Variants in CACNA2D3 observed in about 807,000 individuals in gnomAD.
CACNA2D3 encodes the protein calcium voltage-gated channel auxiliary subunit alpha2delta 3.
In CACNA2D3, 60 loss-of-function variants were observed where a neutral mutation model predicts 160.6. That is an observed-to-expected ratio of 0.37 (90% CI 0.30 to 0.46). CACNA2D3 has a LOEUF of 0.46. Ranked by LOEUF, CACNA2D3 falls within the 20% of genes least tolerant of loss-of-function variation. The pLI is 1.00. For missense variants in CACNA2D3, 1,205 were observed against 1,365.0 expected, an observed-to-expected ratio of 0.88 and a Z score of 1.85; for synonymous variants, 558 against 492.9, an observed-to-expected ratio of 1.13 and a Z score of -1.75.
chr3:54,556,664 C>G (rs1464975738), intron 5 of CACNA2D3, among the ~76,000 whole-genome samples: 1 of 152,064 alleles, frequency 6.6e-6, no homozygotes, highest in Non-Finnish European at 1.5e-5. Flanking sequence ...GCCTAAAGAA[C>G]CGCAAGTAAA....
intron 4 of CACNA2D3, among the ~76,000 whole-genome samples, chr3:54,460,806 C>G (rs1700489356): frequency 6.6e-6 from 1 of 152,156 alleles, no homozygotes; most frequent in Non-Finnish European, 1.5e-5. Context: ...GAACTTCCAA[C>G]ACTATGTTGA....
intron 31 of CACNA2D3, among the ~76,000 whole-genome samples, chr3:54,998,982 A>G (rs1039891095): frequency 3.3e-5 from 5 of 151,942 alleles, no homozygotes; most frequent in East Asian, 3.9e-4. Context: ...TCCTGACCTC[A>G]TGATCCGCCC....
chr3:54,919,976 C>G (rs1002637418), intron 27 of CACNA2D3, among the ~76,000 whole-genome samples: 11 of 152,140 alleles, frequency 7.2e-5, no homozygotes, highest in Admixed American at 5.9e-4. Context: ...GCCCTCGGCA[C>G]TGTCTGCTAG....
intron 9 of CACNA2D3, among the ~76,000 whole-genome samples, chr3:54,616,268 G>T (rs1044891920): frequency 1.3e-5 from 2 of 152,162 alleles, no homozygotes; most frequent in Non-Finnish European, 2.9e-5. Flanking sequence ...GGCTAGGATG[G>T]AAGATCCATG....
intron 27 of CACNA2D3, among the ~76,000 whole-genome samples, chr3:54,914,041 A>C (rs1333593383): frequency 1.3e-5 from 2 of 152,196 alleles, no homozygotes; most frequent in African/African-American, 2.4e-5. Context: ...GTGATTCACC[A>C]CTAAATGAAC....
chr3:54,336,244 C>G (rs1207883421), intron 3 of CACNA2D3, among the ~76,000 whole-genome samples: 1 of 152,136 alleles, frequency 6.6e-6, no homozygotes, highest in Non-Finnish European at 1.5e-5. Flanking sequence ...CTGACACGGA[C>G]AAGGAGAGGA....
At chr3:55,070,104 A>G (rs1388422975) in intron 35 of CACNA2D3, among the ~76,000 whole-genome samples, 4 of 152,224 alleles carry the variant, frequency 2.6e-5, no homozygotes, top group Non-Finnish European at 5.9e-5. Context: ...CCTAGGTGCT[A>G]GAGATAACTC....
intron 2 of CACNA2D3, among the ~76,000 whole-genome samples, chr3:54,127,509 A>G (rs1042039823): frequency 3.3e-5 from 5 of 152,216 alleles, no homozygotes; most frequent in Admixed American, 1.3e-4. Flanking sequence ...GGAATTAGGT[A>G]GCAGTGCCTT....
At chr3:54,239,022 A>G (rs985025200) in intron 2 of CACNA2D3, among the ~76,000 whole-genome samples, 4 of 152,224 alleles carry the variant, frequency 2.6e-5, no homozygotes, top group African/African-American at 9.7e-5. Context: ...ATGTCCATAA[A>G]TGTATCAGTC....
intron 35 of CACNA2D3, among the ~76,000 whole-genome samples, chr3:55,052,879 A>G (rs918927617): frequency 5.9e-5 from 9 of 152,122 alleles, no homozygotes; most frequent in Non-Finnish European, 1.0e-4. Context: ...TATGCTTACA[A>G]TTAATGTGTG....
chr3:54,636,357 T>C (rs895226386), intron 10 of CACNA2D3, among the ~76,000 whole-genome samples: 1 of 151,822 alleles, frequency 6.6e-6, no homozygotes, highest in Non-Finnish European at 1.5e-5. Flanking sequence ...TCAAGAATAA[T>C]GTGGGAGGCC....
intron 10 of CACNA2D3, among the ~76,000 whole-genome samples, chr3:54,635,811 A>G (rs1097771): frequency 0.94 from 142,706 of 151,718 alleles, 67,216 homozygotes; most frequent in African/African-American, 0.97. Context: ...ACTAATAAAG[A>G]CTCATCTGTT....
chr3:54,851,607 G>T (rs867084175), intron 17 of CACNA2D3, among the ~76,000 whole-genome samples: 8 of 152,130 alleles, frequency 5.3e-5, no homozygotes, highest in African/African-American at 1.9e-4. Flanking sequence ...CCAGTACCGA[G>T]GTAATCATGT....
rs1309273339 is a variant in CACNA2D3 at position 54,335,451 on chromosome 3, C to A, written c.321+14893C>A. 5.3e-5 allele frequency among the ~76,000 whole-genome samples: 8 copies of A among 152,278 alleles called. No homozygotes were observed. The East Asian group carries it at 1.5e-3, about 29-fold the overall frequency. ...CTTTTTAGACCATATAGGGTAACTT[C>A]CTGACATTGCCATGGCATTTGTAAA... is the stretch of plus-strand genomic sequence containing the variant. On this transcript the variant is annotated intron_variant, in intron 3 of 37. Coordinates refer to ENST00000474759, the MANE Select transcript of CACNA2D3 (RefSeq NM_018398.3).
At chr3:54,703,165 C>T (rs1476469787) in intron 11 of CACNA2D3, among the ~76,000 whole-genome samples, 3 of 151,968 alleles carry the variant, frequency 2.0e-5, no homozygotes, top group South Asian at 4.2e-4. Context: ...AATTCGTACA[C>T]CAAACGCCAG....
rs146236444 is a variant in CACNA2D3 at position 54,551,696 on chromosome 3, T to C, written c.545-11104T>C. Reference sequence around the variant, plus strand: ...AACTACTGATGCTTCTGGAACAGCGTGGGTGCTCTGGCCGTCGTGTTCAGC... The same window carrying C: ...AACTACTGATGCTTCTGGAACAGCGCGGGTGCTCTGGCCGTCGTGTTCAGC... On this transcript the variant is annotated intron_variant, in intron 5 of 37. Coordinates refer to ENST00000474759, the MANE Select transcript of CACNA2D3 (RefSeq NM_018398.3). Among the ~76,000 whole-genome samples the C allele has an allele frequency of 7.7e-3, 1,171 of 152,282 alleles. 9 individuals carry two copies. The highest frequency in any genetic ancestry group is 0.026 in the African/African-American group (1,069 of 41,552).
chr3:54,515,607 T>C (rs1701537871), intron 5 of CACNA2D3, among the ~76,000 whole-genome samples: 1 of 152,130 alleles, frequency 6.6e-6, no homozygotes, highest in Non-Finnish European at 1.5e-5. Context: ...TTGCAGGAGA[T>C]TGTGTTAAGT....
chr3:54,131,145 G>A (rs1277482275), intron 2 of CACNA2D3, among the ~76,000 whole-genome samples: 1 of 152,174 alleles, frequency 6.6e-6, no homozygotes, highest in South Asian at 2.1e-4. Context: ...CTTCTGTGGG[G>A]CCTGGCTGCA....
At chr3:54,235,561 T>A (rs1354291304) in intron 2 of CACNA2D3, among the ~76,000 whole-genome samples, 4 of 152,002 alleles carry the variant, frequency 2.6e-5, no homozygotes, top group Admixed American at 1.3e-4. Flanking sequence ...TCATGAGAAA[T>A]CCACCCCCGT....
Sources: allele counts gnomAD v4.1 joint callset (sites outside exome capture counted in the v4.1 genomes callset), GRCh38; gene constraint gnomAD v4.1.1; transcripts MANE v1.5; gene names NCBI Gene and HGNC (gene_info 2026-07-23, HGNC 2026-07-21).